SCN8A: variants seen among roughly 807,000 people sequenced by gnomAD.
SCN8A encodes the protein sodium channel protein type 8 subunit alpha.
A neutral mutation model predicts 184.1 loss-of-function variants in SCN8A; 30 were observed. The ratio of observed to expected loss-of-function variants is 0.16; its 90% CI spans 0.12 to 0.22. The LOEUF is 0.22. Ranked by LOEUF, SCN8A falls within the 10% of genes least tolerant of loss-of-function variation. The pLI is 1.00. For synonymous variants in SCN8A, 852 were observed against 907.0 expected (o/e 0.94, Z 1.09); for missense variants, 1,057 against 2,498.9 (o/e 0.42, Z 12.30).
chr12:51,623,622 TTA>T (rs1358673781), intron 1 of SCN8A, among the ~76,000 whole-genome samples: 6 of 152,094 alleles, frequency 3.9e-5, no homozygotes, highest in African/African-American at 1.5e-4. Context: ...TTCTTTTTTT[TTA>T]TTATTATACT....
intron 16 of SCN8A, 187 bp downstream of exon 16, chr12:51,766,214 A>C: frequency 4.8e-6 from 3 of 621,490 alleles, no homozygotes; most frequent in South Asian, 3.9e-5. Flanking sequence ...CAGAGTGCCT[A>C]CTTAGTCATG....
At position 51,745,946 on chromosome 12, in the gene SCN8A, T is replaced by A. The variant is rs769132740; in HGVS notation, c.2042T>A (p.Leu681His). The A allele has an allele frequency of 1.4e-5, 22 of 1,609,590 alleles. No homozygotes were observed. The highest frequency in any genetic ancestry group is 1.6e-5 in the Non-Finnish European group (19 of 1,178,206). ...VEIKKKGPGS[L>H]LVSMDQLASY... ...ATTAAGAAGAAAGGCCCTGGATCTC[T>A]TTTAGTTTCCATGGACCAATTAGCC... The change falls in exon 13 of 27, where the codon CTT becomes CAT. Residue 681 changes from leucine to histidine, a missense_variant. This residue lies in a region of SCN8A where 322 missense variants were observed against 390.1 expected (regional missense o/e 0.83). Coordinates refer to ENST00000627620, the MANE Select transcript of SCN8A (RefSeq NM_001330260.2).
At chr12:51,754,078 AAAGAG>A (rs1361019860) in intron 14 of SCN8A, among the ~76,000 whole-genome samples, 1 of 152,160 alleles carries the variant, frequency 6.6e-6, no homozygotes, top group Non-Finnish European at 1.5e-5. Context: ...ACCCTCCCCA[AAAGAG>A]AAAATAATAG....
At chr12:51,605,110 C>G (rs980844501) in intron 1 of SCN8A, among the ~76,000 whole-genome samples, 2 of 152,148 alleles carry the variant, frequency 1.3e-5, no homozygotes, top group South Asian at 4.2e-4. Flanking sequence ...ATTCTATTGT[C>G]ATAGCTTTCT....
rs957905474 is a variant in SCN8A, at chr12:51,721,565, G to A, written c.1655G>A (p.Gly552Asp). The A allele has an allele frequency of 6.2e-7, 1 of 1,603,758 alleles. No individual in the cohort carries two copies. The change falls in exon 12 of 27, where the codon GGC (glycine) becomes GAC (aspartate). Residue 552 changes from glycine to aspartate, a missense_variant. Physicochemically the swap from Gly to Asp is moderately conservative, Grantham distance 94. Coordinates refer to ENST00000627620, the MANE Select transcript of SCN8A (RefSeq NM_001330260.2). The stretch of plus-strand genomic sequence containing the variant: ...CTGCAGTCACTGCTCAGCATCCCAG[G>A]CTCGCCCTTCCTCTCCCGCCACAAC... ...IMNQSLLSIP[G>D]SPFLSRHNSK... is the part of the protein sequence containing the mutation.
chr12:51,775,690 G>A (rs1238117483), intron 20 of SCN8A, among the ~76,000 whole-genome samples: 1 of 152,208 alleles, frequency 6.6e-6, no homozygotes, highest in Non-Finnish European at 1.5e-5. Context: ...GAGAGCCAAA[G>A]TGAGACTGGG....
intron 1 of SCN8A, among the ~76,000 whole-genome samples, chr12:51,615,725 T>C (rs1170745288): frequency 3.3e-5 from 5 of 152,116 alleles, no homozygotes; most frequent in Non-Finnish European, 7.4e-5. Context: ...TTTTAAAAAT[T>C]ATTTTTTGTG....
chr12:51,780,021 A>G (rs557498160), intron 20 of SCN8A, among the ~76,000 whole-genome samples: 1 of 152,326 alleles, frequency 6.6e-6, no homozygotes, highest in Non-Finnish European at 1.5e-5. Context: ...CAAGTCAGCC[A>G]TGGTACTTAT....
rs1176580412 is a variant in SCN8A, at chr12:51,680,831, G to T, written c.277-3343G>T. On this transcript the variant is annotated intron_variant, in intron 2 of 26. Transcript: ENST00000627620. Reference sequence around the variant, plus strand: ...AGCCTGGCCAACATGGTGAAACCCTGTCTCTACTAAAAATACAAAAAAATT... The same window carrying T: ...AGCCTGGCCAACATGGTGAAACCCTTTCTCTACTAAAAATACAAAAAAATT... 2.0e-5 allele frequency among the ~76,000 whole-genome samples: 3 copies of T among 152,124 alleles called. No homozygotes were observed. The East Asian group carries it at 5.8e-4, about 29-fold the overall frequency.
intron 1 of SCN8A, among the ~76,000 whole-genome samples, chr12:51,654,867 A>AT (rs1171388152): frequency 2.0e-5 from 3 of 151,680 alleles, no homozygotes; most frequent in Non-Finnish European, 4.4e-5. Flanking sequence ...CTTCCAACAT[A>AT]TTTTTTTGTG....
At chr12:51,670,035 A>T (rs932820413) in intron 2 of SCN8A, among the ~76,000 whole-genome samples, 13 of 152,304 alleles carry the variant, frequency 8.5e-5, no homozygotes, top group Admixed American at 4.6e-4. Context: ...GTTGTTAAAA[A>T]TTTTTTCCCA....
At chr12:51,688,905 T>C in intron 5 of SCN8A, 100 bp from the exon 6 acceptor site, 2 of 1,559,354 alleles carry the variant, frequency 1.3e-6, no homozygotes, top group South Asian at 2.2e-5. Flanking sequence ...ACGTGACGTA[T>C]TGTACTTTTT....
chr12:51,611,681 A>G (rs1383977321), intron 1 of SCN8A, among the ~76,000 whole-genome samples: 2 of 151,926 alleles, frequency 1.3e-5, no homozygotes, highest in Non-Finnish European at 2.9e-5. Context: ...TTTAGTAGAG[A>G]CAGGGTTTCA....
At chr12:51,780,323 C>G (rs373750806) in intron 20 of SCN8A, 20 of 404,314 alleles carry the variant, frequency 4.9e-5, no homozygotes, top group African/African-American at 4.0e-4. Context: ...GGAACTTCCT[C>G]ACTCTCTCCC....
At chr12:51,706,078 A>G (rs541787474) in intron 10 of SCN8A, among the ~76,000 whole-genome samples, 1 of 152,322 alleles carries the variant, frequency 6.6e-6, no homozygotes, top group South Asian at 2.1e-4. Context: ...TCCTTATCTA[A>G]ATGTACATGT....
At chr12:51,802,137 C>T (rs1938572879) in intron 26 of SCN8A, among the ~76,000 whole-genome samples, 1 of 152,150 alleles carries the variant, frequency 6.6e-6, no homozygotes, top group Non-Finnish European at 1.5e-5. Context: ...TAGAGAGCTG[C>T]CATGACTTGA....
intron 22 of SCN8A, among the ~76,000 whole-genome samples, chr12:51,787,973 T>A (rs1938133816): frequency 6.6e-6 from 1 of 152,244 alleles, no homozygotes; most frequent in South Asian, 2.1e-4. Flanking sequence ...CCCTGCCATA[T>A]GCAAGATGCT....
At chr12:51,640,758 G>T (rs1231254576) in intron 1 of SCN8A, among the ~76,000 whole-genome samples, 2 of 152,170 alleles carry the variant, frequency 1.3e-5, no homozygotes, top group Non-Finnish European at 2.9e-5. Flanking sequence ...ATCAGTTCCT[G>T]ATTCATCCAC....
chr12:51,679,596 C>A (rs1311284104), intron 2 of SCN8A, among the ~76,000 whole-genome samples: 1 of 152,124 alleles, frequency 6.6e-6, no homozygotes, highest in Non-Finnish European at 1.5e-5. Context: ...TGCGCCCTTT[C>A]AGAAAAAGCT....
Sources: allele counts gnomAD v4.1 joint callset (sites outside exome capture counted in the v4.1 genomes callset), GRCh38; gene constraint gnomAD v4.1.1; regional missense constraint gnomAD v4.1.1; transcripts MANE v1.5; gene names NCBI Gene and HGNC (gene_info 2026-07-23, HGNC 2026-07-21).